SDHC: variants seen among roughly 807,000 people sequenced by gnomAD.
SDHC encodes succinate dehydrogenase cytochrome b560 subunit, mitochondrial.
SDHC carries 11 observed loss-of-function variants against 22.6 expected under a neutral mutation model. That is an observed-to-expected ratio of 0.49 (90% CI 0.31 to 0.81). SDHC has a LOEUF of 0.81. Among genes scored for constraint, SDHC ranks in the 30% least tolerant of loss-of-function variants. SDHC has a pLI of 0.05. For synonymous variants in SDHC, 80 were observed against 77.8 expected, an observed-to-expected ratio of 1.03 and a Z score of -0.15; for missense variants, 160 against 212.0, an observed-to-expected ratio of 0.75 and a Z score of 1.52.
intron 3 of SDHC, among the ~76,000 whole-genome samples, chr1:161,337,595 T>TA (rs1558172512): frequency 6.6e-6 from 1 of 152,176 alleles, no homozygotes; most frequent in Non-Finnish European, 1.5e-5. Flanking sequence ...CTGGAAATAA[T>TA]ATTATGGTTA....
At chr1:161,317,385 C>T (rs1670656401) in intron 1 of SDHC, among the ~76,000 whole-genome samples, 1 of 151,598 alleles carries the variant, frequency 6.6e-6, no homozygotes, top group African/African-American at 2.4e-5. Flanking sequence ...TTTTAATTGG[C>T]AAATAAAAAT....
chr1:161,327,231 A>G (rs1335501882), intron 2 of SDHC, among the ~76,000 whole-genome samples: 3 of 152,136 alleles, frequency 2.0e-5, no homozygotes, highest in Non-Finnish European at 1.5e-5. Context: ...GTCTGGCCTA[A>G]GTTTTCCTTA....
chr1:161,343,104 C>T (rs948302174), intron 4 of SDHC, among the ~76,000 whole-genome samples: 3 of 152,160 alleles, frequency 2.0e-5, no homozygotes, highest in African/African-American at 7.2e-5. Context: ...CCAAATAGAG[C>T]TTTCGAGGTA....
At chr1:161,339,876 C>T (rs1347301827) in intron 3 of SDHC, among the ~76,000 whole-genome samples, 1 of 151,734 alleles carries the variant, frequency 6.6e-6, no homozygotes, top group African/African-American at 2.4e-5. Flanking sequence ...GACGGGGTTT[C>T]TCCATGTTGG....
intron 5 of SDHC, among the ~76,000 whole-genome samples, chr1:161,358,146 C>T (rs1434267676): frequency 1.3e-5 from 2 of 150,726 alleles, no homozygotes; most frequent in Non-Finnish European, 2.9e-5. Context: ...AAGTGATTCT[C>T]CTGCCTTAGC....
intron 4 of SDHC, among the ~76,000 whole-genome samples, chr1:161,342,991 T>A (rs375031017): frequency 5.9e-5 from 9 of 152,338 alleles, no homozygotes; most frequent in Middle Eastern, 3.4e-3. Context: ...ACATCAGGCA[T>A]CATTACAGTC....
intron 1 of SDHC, among the ~76,000 whole-genome samples, chr1:161,317,266 G>C (rs918437186): frequency 6.6e-6 from 1 of 151,778 alleles, no homozygotes; most frequent in African/African-American, 2.4e-5. Flanking sequence ...CTGACCTCAT[G>C]ATCCATCCGC....
At chr1:161,358,739 C>T (rs1238397887) in intron 5 of SDHC, among the ~76,000 whole-genome samples, 1 of 151,918 alleles carries the variant, frequency 6.6e-6, no homozygotes, top group Admixed American at 6.6e-5. Context: ...CCAGCCTTAC[C>T]AACATGGAGA....
At chr1:161,343,582 G>A (rs1423572688) in intron 4 of SDHC, among the ~76,000 whole-genome samples, 3 of 152,004 alleles carry the variant, frequency 2.0e-5, no homozygotes, top group African/African-American at 7.3e-5. Flanking sequence ...CTGAACTGGT[G>A]GGGATGATAG....
chr1:161,349,031 G>A (rs1282223577), intron 4 of SDHC, among the ~76,000 whole-genome samples: 3 of 152,130 alleles, frequency 2.0e-5, no homozygotes. Context: ...ATGAGATTAG[G>A]AAGAGAGAAT....
intron 5 of SDHC, among the ~76,000 whole-genome samples, chr1:161,358,845 G>T (rs140376043): frequency 1.9e-4 from 28 of 150,816 alleles, no homozygotes; most frequent in African/African-American, 6.3e-4. Flanking sequence ...AGACTTGCTT[G>T]AACCCGGGAG....
chr1:161,336,130 C>T (rs1671471059), intron 3 of SDHC, among the ~76,000 whole-genome samples: 1 of 152,186 alleles, frequency 6.6e-6, no homozygotes, highest in South Asian at 2.1e-4. Flanking sequence ...TTATTTCTTG[C>T]TTCTCAATCG....
chr1:161,332,170 T>C (rs1347946104), intron 3 of SDHC, among the ~76,000 whole-genome samples: 1 of 152,098 alleles, frequency 6.6e-6, no homozygotes, highest in Admixed American at 6.6e-5. Flanking sequence ...AAAGACGGTC[T>C]CAATATATTA....
intron 1 of SDHC, among the ~76,000 whole-genome samples, chr1:161,320,173 G>A (rs1308695276): frequency 1.3e-5 from 2 of 152,108 alleles, no homozygotes; most frequent in Non-Finnish European, 2.9e-5. Context: ...CAATGGATTG[G>A]AATGAATTTT....
intron 2 of SDHC, among the ~76,000 whole-genome samples, chr1:161,325,644 A>G (rs1671021186): frequency 6.6e-6 from 1 of 152,142 alleles, no homozygotes; most frequent in Non-Finnish European, 1.5e-5. Context: ...ATGGCTGTTT[A>G]ATAGTTGGTT....
intron 1 of SDHC, among the ~76,000 whole-genome samples, chr1:161,318,248 C>T (rs1258873722): frequency 1.3e-5 from 2 of 152,104 alleles, no homozygotes; most frequent in South Asian, 2.1e-4. Flanking sequence ...CATTTTGTAT[C>T]CTTTGACCAA....
intron 2 of SDHC, among the ~76,000 whole-genome samples, chr1:161,327,781 C>G (rs894631360): frequency 3.3e-5 from 5 of 152,068 alleles, no homozygotes; most frequent in African/African-American, 1.2e-4. Flanking sequence ...CCAGGCTGGT[C>G]TTGAACTCCT....
At chr1:161,317,807 TGAGCCAGGCATCAGCCACC>T (rs1297899252) in intron 1 of SDHC, among the ~76,000 whole-genome samples, 1 of 149,198 alleles carries the variant, frequency 6.7e-6, no homozygotes, top group African/African-American at 2.4e-5. Flanking sequence ...GTGATCCACC[TGAGCCAGGCATCAGCCACC>T]GAGCCAGGCA....
At chr1:161,333,553 G>A (rs915025734) in intron 3 of SDHC, among the ~76,000 whole-genome samples, 1 of 152,054 alleles carries the variant, frequency 6.6e-6, no homozygotes, top group Non-Finnish European at 1.5e-5. Context: ...ACAGGCATGC[G>A]CCACCGCGCC....
Sources: allele counts gnomAD v4.1 joint callset (sites outside exome capture counted in the v4.1 genomes callset), GRCh38; gene constraint gnomAD v4.1.1; transcripts MANE v1.5; gene names NCBI Gene and HGNC (gene_info 2026-07-23, HGNC 2026-07-21).